ARHGAP44: variants seen among roughly 807,000 people sequenced by gnomAD.
The protein encoded by ARHGAP44 is rho GTPase-activating protein 44.
Under a neutral mutation model 106.8 loss-of-function variants are expected in ARHGAP44, and 43 were observed. That is an observed-to-expected ratio of 0.40 (90% CI 0.32 to 0.52). ARHGAP44 has a LOEUF of 0.52. Ranked by LOEUF, ARHGAP44 falls within the 20% of genes least tolerant of loss-of-function variation. The pLI is 0.48. For synonymous variants in ARHGAP44, 439 were observed against 410.3 expected (o/e 1.07, Z -0.85); for missense variants, 866 against 1,050.5 (o/e 0.82, Z 2.43).
rs558024964 is a variant in ARHGAP44 at position 12,830,205 on chromosome 17, T to C, written c.53+40314T>C. Reference sequence around the variant, plus strand: ...AGAACTATGAGTCTTTTTCCTATGATTGCTAAATTATCTTAAGCCAAAGAA... The same window carrying C: ...AGAACTATGAGTCTTTTTCCTATGACTGCTAAATTATCTTAAGCCAAAGAA... On this transcript the variant is annotated intron_variant, in intron 1 of 20. Transcript: ENST00000379672. Among the ~76,000 whole-genome samples, 3 of 152,354 alleles carry C rather than the reference T, an allele frequency of 2.0e-5. No individual in the cohort carries two copies. The South Asian group carries it at 6.2e-4, about 32-fold the overall frequency.
chr17:12,977,656 A>G (rs1034416202), intron 18 of ARHGAP44, among the ~76,000 whole-genome samples: 1 of 152,104 alleles, frequency 6.6e-6, no homozygotes, highest in Non-Finnish European at 1.5e-5. Context: ...TAGCCGCCCT[A>G]CGCCCCACCT....
At chr17:12,904,984 C>G (rs547756757) in intron 3 of ARHGAP44, among the ~76,000 whole-genome samples, 4 of 152,120 alleles carry the variant, frequency 2.6e-5, no homozygotes, top group Non-Finnish European at 5.9e-5. Flanking sequence ...TCACTGCAAC[C>G]TCTGCCTCCC....
At chr17:12,850,740 C>T (rs1298587963) in intron 1 of ARHGAP44, among the ~76,000 whole-genome samples, 1 of 152,190 alleles carries the variant, frequency 6.6e-6, no homozygotes, top group Non-Finnish European at 1.5e-5. Flanking sequence ...AAGACTCGTG[C>T]CCCAAAACCT....
chr17:12,952,144 G>T (rs1233035365), intron 12 of ARHGAP44, among the ~76,000 whole-genome samples: 1 of 152,166 alleles, frequency 6.6e-6, no homozygotes, highest in East Asian at 1.9e-4. Flanking sequence ...CTGTTTCCAC[G>T]CTGGAGTCAT....
At chr17:12,836,297 T>C (rs2150821201) in intron 1 of ARHGAP44, among the ~76,000 whole-genome samples, 1 of 151,692 alleles carries the variant, frequency 6.6e-6, no homozygotes. Flanking sequence ...AAAGGTGGAG[T>C]GTATTTATTA....
intron 19 of ARHGAP44, among the ~76,000 whole-genome samples, chr17:12,982,321 T>A (rs201399221): frequency 8.7e-3 from 135 of 15,444 alleles, no homozygotes; most frequent in East Asian, 0.025. Context: ...TTTTTTTTAA[T>A]TTTTTTTTTT....
chr17:12,943,029 G>T (rs562729109), intron 8 of ARHGAP44, among the ~76,000 whole-genome samples: 1 of 152,272 alleles, frequency 6.6e-6, no homozygotes, highest in Non-Finnish European at 1.5e-5. Context: ...CATTTAAGTC[G>T]TACATATCTC....
intron 20 of ARHGAP44, chr17:12,986,840 C>T (rs1374440070): frequency 4.9e-6 from 2 of 407,816 alleles, no homozygotes; most frequent in East Asian, 7.5e-5. Context: ...CATGTTCCAT[C>T]TTGCAGGTTT....
chr17:12,948,717 C>T (rs1371222695), intron 10 of ARHGAP44, among the ~76,000 whole-genome samples: 1 of 131,756 alleles, frequency 7.6e-6, no homozygotes, highest in Non-Finnish European at 1.6e-5. Flanking sequence ...TTCCTCCCAA[C>T]ACACATACAC....
At chr17:12,973,657 C>T in intron 17 of ARHGAP44, 1 of 481,048 alleles carries the variant, frequency 2.1e-6, no homozygotes. Flanking sequence ...CTCCCCCCTT[C>T]GCTGCCCCTC....
At chr17:12,964,864 C>T (rs1296117462) in intron 16 of ARHGAP44, among the ~76,000 whole-genome samples, 1 of 152,190 alleles carries the variant, frequency 6.6e-6, no homozygotes, top group Admixed American at 6.5e-5. Flanking sequence ...AGATAGCTAT[C>T]AGATAACTGC....
chr17:12,968,728 T>C (rs571334840), intron 16 of ARHGAP44, among the ~76,000 whole-genome samples: 10 of 152,156 alleles, frequency 6.6e-5, no homozygotes, highest in Non-Finnish European at 1.0e-4. Context: ...TCCCCATTTT[T>C]TGTTCCCTGT....
At chr17:12,871,992 T>C (rs7216393) in intron 1 of ARHGAP44, among the ~76,000 whole-genome samples, 138,878 of 152,216 alleles carry the variant, frequency 0.91, 63,503 homozygotes, top group African/African-American at 0.93. Context: ...TTTATAGCCA[T>C]GTGAGAAAGG....
chr17:12,969,991 T>C (rs2039485865), intron 16 of ARHGAP44, among the ~76,000 whole-genome samples: 1 of 152,178 alleles, frequency 6.6e-6, no homozygotes, highest in Non-Finnish European at 1.5e-5. Context: ...GTTTCCATTA[T>C]GATAAATCCT....
chr17:12,916,079 T>A, intron 5 of ARHGAP44, 68 bp downstream of exon 5: 1 of 1,288,170 alleles, frequency 7.8e-7, no homozygotes, highest in Non-Finnish European at 1.1e-6. Context: ...CCTCAATCAT[T>A]CTGTTTCCAG....
chr17:12,811,163 A>G (rs2034427865), intron 1 of ARHGAP44, among the ~76,000 whole-genome samples: 1 of 151,958 alleles, frequency 6.6e-6, no homozygotes, highest in Non-Finnish European at 1.5e-5. Context: ...ATACAAAAAA[A>G]TTAGCCAGGC....
chr17:12,867,792 A>G (rs2036275235), intron 1 of ARHGAP44, among the ~76,000 whole-genome samples: 1 of 152,186 alleles, frequency 6.6e-6, no homozygotes, highest in Admixed American at 6.5e-5. Flanking sequence ...TATAGATTAG[A>G]TGCTATTCGA....
rs558640828 is a variant in ARHGAP44, at chr17:12,958,430, T to C, written c.1343-287T>C. The stretch of plus-strand genomic sequence containing the variant: ...GCTTTCAGTCTTAAGCATGAGGTTT[T>C]AGAAAGATGATTTCATATATTTCAG... On this transcript the variant is annotated intron_variant, in intron 15 of 20. Coordinates refer to ENST00000379672, the MANE Select transcript of ARHGAP44 (RefSeq NM_014859.6). This position sits in a 1 kb window ranked among gnomAD's most constrained non-coding sequence, Gnocchi z 4.1. 1.2e-4 allele frequency among the ~76,000 whole-genome samples: 18 copies of C among 152,360 alleles called. No homozygotes were observed. Among genetic ancestry groups the C allele is most frequent in the Non-Finnish European group, 1.0e-4 (7 of 68,028 alleles).
At chr17:12,815,357 A>G (rs2034568662) in intron 1 of ARHGAP44, among the ~76,000 whole-genome samples, 1 of 152,188 alleles carries the variant, frequency 6.6e-6, no homozygotes, top group African/African-American at 2.4e-5. Context: ...CCACATAGCC[A>G]ATAAAAGTGT....
Sources: gnomAD v4.1 joint callset for allele counts (sites outside exome capture counted in the v4.1 genomes callset) on GRCh38, gnomAD v4.1.1 for gene constraint, Gnocchi (gnomAD v3.1) non-coding constraint, MANE v1.5 for transcripts, NCBI Gene and HGNC (gene_info 2026-07-23, HGNC 2026-07-21) for gene names.